The following GLIS3 variants were observed in gnomAD, a reference collection of about 807,000 sequenced individuals.
GLIS3 encodes GLIS family zinc finger 3.
GLIS3 carries 53 observed loss-of-function variants against 78.6 expected under a neutral mutation model. The observed-to-expected ratio is 0.67, with a 90% CI of 0.54 to 0.85. The LOEUF is 0.85. Ranked by LOEUF, GLIS3 falls within the 40% of genes least tolerant of loss-of-function variation. The probability of loss-of-function intolerance (pLI) is 0.00; values close to 1 mark genes in which losing one functional copy is unlikely to be tolerated. For synonymous variants in GLIS3, 684 were observed against 509.9 expected, an observed-to-expected ratio of 1.34 and a Z score of -4.60; for missense variants, 1,703 against 1,231.1, an observed-to-expected ratio of 1.38 and a Z score of -5.74.
chr9:4,288,862 C>T (rs1053850496), intron 1 of GLIS3, among the ~76,000 whole-genome samples: 1 of 151,904 alleles, frequency 6.6e-6, no homozygotes, highest in African/African-American at 2.4e-5. Context: ...GCAAAACCAG[C>T]CTCAAGACAA....
At chr9:4,378,069 T>C in the GLIS3 span, among the ~76,000 whole-genome samples, 1 of 152,162 alleles carries the variant, frequency 6.6e-6, no homozygotes, top group Non-Finnish European at 1.5e-5. Context: ...ATTAAAAGAT[T>C]AGAATGATCG....
At chr9:4,046,982 T>C (rs1045225450) in intron 4 of GLIS3, among the ~76,000 whole-genome samples, 2 of 152,148 alleles carry the variant, frequency 1.3e-5, no homozygotes, top group African/African-American at 2.4e-5. Flanking sequence ...AATGGGAAAG[T>C]TGTCGGAGTG....
At chr9:3,894,723 T>A (rs1822701610) in intron 7 of GLIS3, among the ~76,000 whole-genome samples, 1 of 10,464 alleles carries the variant, frequency 9.6e-5, no homozygotes, top group Non-Finnish European at 2.6e-4. Context: ...ACATCTATTT[T>A]TTTTTTTTTC....
chr9:3,957,694 AAC>A (rs1817233329), intron 4 of GLIS3, among the ~76,000 whole-genome samples: 1 of 152,228 alleles, frequency 6.6e-6, no homozygotes, highest in African/African-American at 2.4e-5. Flanking sequence ...TGTTAGCACC[AAC>A]AGACTTCTTG....
chr9:4,293,500 A>C (rs1343207845), intron 1 of GLIS3, among the ~76,000 whole-genome samples: 2 of 152,250 alleles, frequency 1.3e-5, no homozygotes, highest in African/African-American at 4.8e-5. Flanking sequence ...TATTTATTAA[A>C]AAGATTTTTT....
intron 2 of GLIS3, among the ~76,000 whole-genome samples, chr9:4,333,045 GAAC>G (rs1817708232): frequency 6.6e-6 from 1 of 152,150 alleles, no homozygotes; most frequent in Non-Finnish European, 1.5e-5. Context: ...TCAATCTTCA[GAAC>G]AACCTTATGA....
the GLIS3 span, among the ~76,000 whole-genome samples, chr9:4,470,486 A>C: frequency 6.6e-6 from 1 of 152,264 alleles, no homozygotes; most frequent in African/African-American, 2.4e-5. Context: ...GCATATTAAC[A>C]GAACCAAAGA....
At chr9:4,389,417 G>C in the GLIS3 span, among the ~76,000 whole-genome samples, 1 of 152,108 alleles carries the variant, frequency 6.6e-6, no homozygotes, top group African/African-American at 2.4e-5. Context: ...TGAGGGAAGG[G>C]GATTCATTTT....
chr9:3,939,091 C>G (rs1460555402), intron 4 of GLIS3, among the ~76,000 whole-genome samples: 1 of 152,122 alleles, frequency 6.6e-6, no homozygotes, highest in Non-Finnish European at 1.5e-5. Context: ...TAGCAAGGCT[C>G]TTTTGTAGGG....
At chr9:4,485,816 G>C in the GLIS3 span, among the ~76,000 whole-genome samples, 4 of 151,246 alleles carry the variant, frequency 2.6e-5, no homozygotes, top group African/African-American at 7.3e-5. Context: ...CGCCTCCCCA[G>C]ATTCAAGCAA....
chr9:3,987,879 A>G (rs552962670), intron 4 of GLIS3, among the ~76,000 whole-genome samples: 1 of 152,006 alleles, frequency 6.6e-6, no homozygotes, highest in Non-Finnish European at 1.5e-5. Flanking sequence ...CATCATAATT[A>G]AAAATTTAAA....
At chr9:4,235,941 C>T (rs911653632) in intron 2 of GLIS3, among the ~76,000 whole-genome samples, 2 of 151,994 alleles carry the variant, frequency 1.3e-5, no homozygotes, top group Non-Finnish European at 2.9e-5. Context: ...ACAACGATCA[C>T]CTCTAATGAA....
At chr9:4,137,121 C>G (rs1349482012) in intron 2 of GLIS3, among the ~76,000 whole-genome samples, 2 of 152,110 alleles carry the variant, frequency 1.3e-5, no homozygotes, top group African/African-American at 4.8e-5. Context: ...AATAAGAAAG[C>G]AATGGTTATG....
chr9:3,868,293 C>A (rs1820738252), intron 8 of GLIS3, among the ~76,000 whole-genome samples: 1 of 152,154 alleles, frequency 6.6e-6, no homozygotes, highest in African/African-American at 2.4e-5. Flanking sequence ...ATAATGGAGA[C>A]AAGTGAGACC....
chr9:3,904,651 A>G (rs191651113), intron 6 of GLIS3, among the ~76,000 whole-genome samples: 1 of 152,334 alleles, frequency 6.6e-6, no homozygotes, highest in East Asian at 1.9e-4. Flanking sequence ...CTGGATGTGC[A>G]TAGTCAACAG....
At chr9:3,872,304 G>T (rs927289835) in intron 8 of GLIS3, among the ~76,000 whole-genome samples, 8 of 152,114 alleles carry the variant, frequency 5.3e-5, no homozygotes, top group Non-Finnish European at 8.8e-5. Context: ...ACCCCTGTCT[G>T]TTACCCAGTC....
At chr9:4,164,104 G>A (rs539337256) in intron 2 of GLIS3, among the ~76,000 whole-genome samples, 4 of 152,194 alleles carry the variant, frequency 2.6e-5, no homozygotes, top group East Asian at 1.9e-4. Flanking sequence ...TTAATTTCCC[G>A]GATGTTATGA....
the GLIS3 span, among the ~76,000 whole-genome samples, chr9:4,405,305 G>T: frequency 0.072 from 10,889 of 151,262 alleles, 829 homozygotes; most frequent in East Asian, 0.3. Flanking sequence ...GGGGAGTCGA[G>T]ATCGTGCCAT....
chr9:4,274,435 G>A (rs963192874), intron 2 of GLIS3, among the ~76,000 whole-genome samples: 1 of 152,002 alleles, frequency 6.6e-6, no homozygotes, highest in Non-Finnish European at 1.5e-5. Context: ...CCTCAAAGGT[G>A]CCCAGAGCCT....
Sources: gnomAD v4.1 joint callset for allele counts (sites outside exome capture counted in the v4.1 genomes callset) on GRCh38, gnomAD v4.1.1 for gene constraint, MANE v1.5 for transcripts, NCBI Gene and HGNC (gene_info 2026-07-23, HGNC 2026-07-21) for gene names.